The following SPECC1L variants were observed in gnomAD, a reference collection of about 807,000 sequenced individuals.
The protein encoded by SPECC1L is sperm antigen with calponin homology and coiled-coil domains 1 like.
In SPECC1L, 40 loss-of-function variants were observed where a neutral mutation model predicts 116.8. The ratio of observed to expected loss-of-function variants is 0.34; its 90% CI spans 0.27 to 0.45. SPECC1L has a LOEUF of 0.45. SPECC1L is among the 20% of genes least tolerant of loss of function. The pLI, the probability that SPECC1L is intolerant of heterozygous loss-of-function variation, is 1.00. For missense variants in SPECC1L, 1,110 were observed against 1,373.6 expected (o/e 0.81, Z 3.03); for synonymous variants, 504 against 500.6 (o/e 1.01, Z -0.09).
chr22:24,308,925 C>T (rs1297367708), intron 3 of SPECC1L, among the ~76,000 whole-genome samples: 1 of 152,036 alleles, frequency 6.6e-6, no homozygotes, highest in Non-Finnish European at 1.5e-5. Flanking sequence ...CTGATTTGTC[C>T]ACTGGGAGCC....
chr22:24,354,757 G>A (rs1053015702), intron 11 of SPECC1L, among the ~76,000 whole-genome samples: 10 of 151,540 alleles, frequency 6.6e-5, no homozygotes, highest in African/African-American at 2.4e-4. Context: ...CGCCCCCTGG[G>A]TTCAAGTGAT....
intron 2 of SPECC1L, among the ~76,000 whole-genome samples, chr22:24,298,300 A>G (rs191545464): frequency 1.4e-4 from 21 of 152,346 alleles, no homozygotes; most frequent in African/African-American, 5.1e-4. Flanking sequence ...GATATTTTCA[A>G]CTTACGATAT....
chr22:24,413,048 G>A (rs2042731266), intron 16 of SPECC1L, among the ~76,000 whole-genome samples: 1 of 152,216 alleles, frequency 6.6e-6, no homozygotes, highest in Non-Finnish European at 1.5e-5. Context: ...AAAGAAAAAT[G>A]TCATATGTTT....
chr22:24,300,684 T>TA (rs1174554504), intron 2 of SPECC1L, among the ~76,000 whole-genome samples: 1 of 152,198 alleles, frequency 6.6e-6, no homozygotes, highest in Non-Finnish European at 1.5e-5. Flanking sequence ...CATGAGATGT[T>TA]ATCTCATTGT....
intron 4 of SPECC1L, among the ~76,000 whole-genome samples, chr22:24,319,371 A>C (rs1354850360): frequency 6.6e-6 from 1 of 152,106 alleles, no homozygotes; most frequent in Admixed American, 6.5e-5. Flanking sequence ...TGTCATGAGA[A>C]CTCACTATCA....
intron 4 of SPECC1L, among the ~76,000 whole-genome samples, chr22:24,318,516 A>C (rs1281910392): frequency 1.3e-5 from 2 of 152,054 alleles, no homozygotes; most frequent in Non-Finnish European, 2.9e-5. Flanking sequence ...CCGTGGAAAG[A>C]GGGGAGAGGG....
chr22:24,317,543 TC>T (rs1329103526), intron 4 of SPECC1L, among the ~76,000 whole-genome samples: 1 of 123,276 alleles, frequency 8.1e-6, no homozygotes, highest in Non-Finnish European at 1.7e-5. Context: ...GCTCCTCACT[TC>T]CCAGTAGGGG....
chr22:24,273,595 T>C (rs1221091368), intron 1 of SPECC1L, among the ~76,000 whole-genome samples: 1 of 152,198 alleles, frequency 6.6e-6, no homozygotes, highest in African/African-American at 2.4e-5. Flanking sequence ...CCTGGGGCTT[T>C]TGCTGTTAAG....
At chr22:24,302,059 A>AT (rs2049391305) in intron 2 of SPECC1L, 136 bp from the exon 3 acceptor site, 2 of 702,918 alleles carry the variant, frequency 2.8e-6, no homozygotes, top group Non-Finnish European at 4.7e-6. Flanking sequence ...AAAAAAAAAA[A>AT]ATTTTTTTTC....
At chr22:24,365,389 G>T in intron 12 of SPECC1L, 87 bp from the exon 13 acceptor site, 1 of 1,259,758 alleles carries the variant, frequency 7.9e-7, no homozygotes, top group Admixed American at 1.8e-5. Flanking sequence ...AATATCTGTT[G>T]TTTTTGGAAT....
intron 14 of SPECC1L, among the ~76,000 whole-genome samples, chr22:24,400,359 A>G (rs189128986): frequency 2.0e-5 from 3 of 152,304 alleles, no homozygotes; most frequent in East Asian, 3.9e-4. Flanking sequence ...ACTTACCATA[A>G]TGTTTCAATA....
rs2042769475 is a variant in SPECC1L, at chr22:24,414,655, G to A, written c.*32G>A. 2 of 1,599,542 alleles carry A rather than the reference G, an allele frequency of 1.3e-6. No homozygotes were observed. The highest frequency in any genetic ancestry group is 8.6e-7 in the Non-Finnish European group (1 of 1,167,716). On this transcript the variant is annotated 3_prime_UTR_variant, in exon 17 of 17. Coordinates refer to ENST00000314328, the MANE Select transcript of SPECC1L (RefSeq NM_015330.6). ...CGGGAGGAGCCGCCCCAATAGCGGG[G>A]GTACCCCTCCACAGCGACCGAGCGA...
intron 8 of SPECC1L, 85 bp downstream of exon 8, chr22:24,330,516 A>G: frequency 6.8e-7 from 1 of 1,469,468 alleles, no homozygotes; most frequent in Admixed American, 1.7e-5. Flanking sequence ...TATGGAAAAA[A>G]TGTGGAGTTT....
chr22:24,347,949 T>C (rs2041336004), intron 11 of SPECC1L, among the ~76,000 whole-genome samples: 1 of 152,204 alleles, frequency 6.6e-6, no homozygotes, highest in Admixed American at 6.5e-5. Context: ...GTGATGTGAT[T>C]ATAGGCGCAA....
intron 15 of SPECC1L, chr22:24,412,353 G>C (rs2042715268): frequency 2.0e-6 from 1 of 497,940 alleles, no homozygotes; most frequent in Admixed American, 3.2e-5. Flanking sequence ...CTAGCTTTTG[G>C]GGGTGCGTGT....
chr22:24,404,631 C>T (rs2042550658), intron 14 of SPECC1L, among the ~76,000 whole-genome samples: 1 of 152,148 alleles, frequency 6.6e-6, no homozygotes, highest in African/African-American at 2.4e-5. Context: ...TTGATACGGA[C>T]CTCTGCAGCC....
chr22:24,278,491 A>G (rs1206513879), intron 2 of SPECC1L, among the ~76,000 whole-genome samples: 1 of 152,174 alleles, frequency 6.6e-6, no homozygotes, highest in East Asian at 1.9e-4. Flanking sequence ...GCTGCATAGT[A>G]ATATTGCATA....
intron 2 of SPECC1L, among the ~76,000 whole-genome samples, chr22:24,299,001 G>T (rs577643681): frequency 1.3e-5 from 2 of 152,262 alleles, no homozygotes; most frequent in East Asian, 3.9e-4. Flanking sequence ...ATTCATGATA[G>T]GTAGGGTGAT....
intron 2 of SPECC1L, among the ~76,000 whole-genome samples, chr22:24,294,079 C>T (rs1041168684): frequency 2.6e-5 from 1 of 37,932 alleles, no homozygotes. Context: ...TGGCCCTTGC[C>T]GACAAGTCCT....
Sources: gnomAD v4.1 joint callset for allele counts (sites outside exome capture counted in the v4.1 genomes callset) on GRCh38, gnomAD v4.1.1 for gene constraint, MANE v1.5 for transcripts, NCBI Gene and HGNC (gene_info 2026-07-23, HGNC 2026-07-21) for gene names.